INSC: variants seen among roughly 807,000 people sequenced by gnomAD.
INSC encodes the protein protein inscuteable homolog.
INSC carries 67 observed loss-of-function variants against 58.6 expected under a neutral mutation model. The ratio of observed to expected loss-of-function variants is 1.14; its 90% confidence interval spans 0.94 to 1.40. The LOEUF (loss-of-function observed/expected upper bound fraction) is 1.40. INSC is among the 40% of genes most tolerant of loss of function. The probability of loss-of-function intolerance (pLI) is 0.00; values close to 1 mark genes in which losing one functional copy is unlikely to be tolerated. For synonymous variants in INSC, 262 were observed against 276.1 expected (o/e 0.95, Z 0.51); for missense variants, 714 against 692.0 (o/e 1.03, Z -0.36).
chr11:15,131,293 T>C (rs917542636), intron 1 of INSC, among the ~76,000 whole-genome samples: 2 of 152,102 alleles, frequency 1.3e-5, no homozygotes, highest in Non-Finnish European at 1.5e-5. Flanking sequence ...CTATTGCTTG[T>C]ATGTTTAAAA....
chr11:15,256,478 A>G, the INSC span, among the ~76,000 whole-genome samples: 1 of 148,528 alleles, frequency 6.7e-6, no homozygotes, highest in African/African-American at 2.5e-5. Context: ...GTTCTTGGAG[A>G]AAATTTCATT....
chr11:15,140,304 A>G (rs997317609), intron 1 of INSC, among the ~76,000 whole-genome samples: 3 of 152,004 alleles, frequency 2.0e-5, no homozygotes, highest in Non-Finnish European at 4.4e-5. Flanking sequence ...TTCCCTGCCC[A>G]CTCTTTATTT....
intron 7 of INSC, among the ~76,000 whole-genome samples, chr11:15,209,584 C>T (rs1850941797): frequency 6.6e-6 from 1 of 152,132 alleles, no homozygotes; most frequent in African/African-American, 2.4e-5. Flanking sequence ...GACCTCAAAC[C>T]TCTGCCTTGG....
At chr11:15,265,243 T>G in the INSC span, among the ~76,000 whole-genome samples, 1 of 152,112 alleles carries the variant, frequency 6.6e-6, no homozygotes, top group Non-Finnish European at 1.5e-5. Context: ...TTGCGAAGAA[T>G]GTACTTCAGG....
intron 2 of INSC, among the ~76,000 whole-genome samples, chr11:15,151,141 G>T (rs1199432854): frequency 6.6e-6 from 1 of 152,154 alleles, no homozygotes; most frequent in African/African-American, 2.4e-5. Context: ...CACACAGCAG[G>T]AGGTGAGTGG....
intron 5 of INSC, among the ~76,000 whole-genome samples, chr11:15,181,109 G>A (rs1347212677): frequency 6.6e-6 from 1 of 152,148 alleles, no homozygotes; most frequent in Non-Finnish European, 1.5e-5. Flanking sequence ...TGATGTGCCG[G>A]TCTGCTTTGC....
chr11:15,114,998 C>T lies in INSC; in HGVS notation c.-51C>T, dbSNP rs1425412079. On this transcript the variant is annotated 5_prime_UTR_variant, in exon 1 of 13. The change creates a new upstream start codon in the 5' untranslated region. Transcript: ENST00000379556. ...GCTCGCACTACCAGCCTGTCTCGCA[C>T]GCTAAGTAAGTAGACAGCTCCCCTA... is the stretch of plus-strand genomic sequence containing the variant. 9.1e-6 allele frequency: 9 copies of T among 985,482 alleles called. No individual in the cohort carries two copies. The highest frequency in any genetic ancestry group is 3.5e-5 in the African/African-American group (2 of 57,368). The allele number at this position is 985,482 out of a possible 1,614,324, so 61.0% of individuals were successfully genotyped here. A position where few individuals can be genotyped will look rare whatever the true frequency, so the allele number is the denominator to read the frequency against.
chr11:15,167,262 C>T (rs930254122), intron 2 of INSC, among the ~76,000 whole-genome samples: 5 of 152,116 alleles, frequency 3.3e-5, no homozygotes, highest in Middle Eastern at 3.4e-3. Context: ...CCAGAGCCTC[C>T]GAATGTCTTC....
chr11:15,113,021 A>C (rs1396807795), upstream of INSC, among the ~76,000 whole-genome samples: 1 of 152,082 alleles, frequency 6.6e-6, no homozygotes, highest in Non-Finnish European at 1.5e-5. Flanking sequence ...GGTTTCTTTG[A>C]GGAAGAATTG....
intron 2 of INSC, among the ~76,000 whole-genome samples, chr11:15,171,480 T>C (rs1849394848): frequency 6.6e-6 from 1 of 152,200 alleles, no homozygotes; most frequent in Non-Finnish European, 1.5e-5. Flanking sequence ...TGTACAACTC[T>C]AGAACAGGGG....
chr11:15,172,277 C>A (rs59502478), intron 2 of INSC, among the ~76,000 whole-genome samples: 4,931 of 152,222 alleles, frequency 0.032, 249 homozygotes, highest in African/African-American at 0.11. Flanking sequence ...GTTTTTCCAT[C>A]TTTAATAACT....
At chr11:15,213,849 A>G (rs1292784246) in intron 7 of INSC, among the ~76,000 whole-genome samples, 1 of 152,210 alleles carries the variant, frequency 6.6e-6, no homozygotes, top group Non-Finnish European at 1.5e-5. Flanking sequence ...GTGCTGGGAT[A>G]TATTAGTTTG....
chr11:15,166,522 C>G (rs559901727), intron 2 of INSC, among the ~76,000 whole-genome samples: 117 of 152,244 alleles, frequency 7.7e-4, no homozygotes, highest in African/African-American at 2.7e-3. Context: ...ATCCATACCT[C>G]CTAAAATTAA....
chr11:15,167,513 T>A (rs1389719709), intron 2 of INSC, among the ~76,000 whole-genome samples: 3 of 152,070 alleles, frequency 2.0e-5, no homozygotes, highest in Non-Finnish European at 2.9e-5. Flanking sequence ...CAGACTGTAG[T>A]GCAGTGGCAC....
intron 5 of INSC, chr11:15,188,451 G>A (rs1850052795): frequency 1.7e-6 from 1 of 601,936 alleles, no homozygotes. Context: ...CCTTAGTCAA[G>A]TCTGCATCTG....
At chr11:15,117,596 T>A (rs1217296216) in intron 1 of INSC, among the ~76,000 whole-genome samples, 1 of 152,210 alleles carries the variant, frequency 6.6e-6, no homozygotes, top group African/African-American at 2.4e-5. Flanking sequence ...CTTTATCAAC[T>A]TTATAGAATA....
chr11:15,244,878 CA>C (rs1397963997), intron 12 of INSC, among the ~76,000 whole-genome samples: 2 of 152,164 alleles, frequency 1.3e-5, no homozygotes, highest in Admixed American at 1.3e-4. Context: ...TAATATTTAT[CA>C]AGCACTTAGC....
intron 2 of INSC, among the ~76,000 whole-genome samples, chr11:15,156,606 A>C (rs573651638): frequency 7.5e-4 from 114 of 152,290 alleles, no homozygotes; most frequent in African/African-American, 2.6e-3. Context: ...TAAGTACCCA[A>C]TCAATTTTAG....
rs1852559023 is a variant in INSC, at chr11:15,246,185, T to C, written c.*145T>C. On this transcript the variant is annotated 3_prime_UTR_variant, in exon 13 of 13. Coordinates refer to ENST00000379556, the MANE Select transcript of INSC (RefSeq NM_001042536.3). ...TGTGTGAAATAAATGGAGGACAAAA[T>C]CTTAGAGCAACATCATCAAACAGTC... is the stretch of plus-strand genomic sequence containing the variant. 2 of 755,542 alleles carry C rather than the reference T, an allele frequency of 2.6e-6. No homozygotes were observed. Among genetic ancestry groups the C allele is most frequent in the East Asian group, 5.5e-5 (2 of 36,442 alleles). 46.8% of individuals were successfully genotyped at this position (755,542 alleles called of 1,614,324 possible).
Sources: gnomAD v4.1 joint callset for allele counts (sites outside exome capture counted in the v4.1 genomes callset) on GRCh38, gnomAD v4.1.1 for gene constraint, MANE v1.5 for transcripts, NCBI Gene and HGNC (gene_info 2026-07-23, HGNC 2026-07-21) for gene names.